Variants in FRMD4B observed in about 807,000 individuals in gnomAD.
FRMD4B encodes FERM domain containing 4B.
A neutral mutation model predicts 141.5 loss-of-function variants in FRMD4B; 74 were observed. The ratio of observed to expected loss-of-function variants is 0.52; its 90% CI spans 0.43 to 0.63. The LOEUF is 0.63. Ranked by LOEUF, FRMD4B falls within the 30% of genes least tolerant of loss-of-function variation. FRMD4B has a pLI of 0.00. For missense variants in FRMD4B, 1,366 were observed against 1,253.4 expected (o/e 1.09, Z -1.36); for synonymous variants, 506 against 467.9 (o/e 1.08, Z -1.05).
intron 1 of FRMD4B, among the ~76,000 whole-genome samples, chr3:69,496,956 T>C (rs1051178182): frequency 5.9e-5 from 9 of 151,512 alleles, no homozygotes; most frequent in Admixed American, 4.6e-4. Context: ...TGCTTCCCCA[T>C]CCATTGCTAT....
intron 5 of FRMD4B, among the ~76,000 whole-genome samples, chr3:69,274,034 A>G (rs6795954): frequency 0.21 from 32,430 of 152,040 alleles, 3,707 homozygotes; most frequent in Non-Finnish European, 0.26. Flanking sequence ...CAGCAGAAAG[A>G]CAAGTATATC....
Position 69,196,836 on chromosome 3 carries a change from C to T in FRMD4B, c.1092+64G>A, listed in dbSNP as rs1283436215. On this transcript the variant is annotated intron_variant, in intron 13 of 22. Transcript: ENST00000398540. Reference sequence around the variant, plus strand: ...TGTGCTTGCATCTTTTGTGAGAAGGCTTATCTTCTGAACAGAATGCAAAAG... The same window carrying T: ...TGTGCTTGCATCTTTTGTGAGAAGGTTTATCTTCTGAACAGAATGCAAAAG... The T allele has an allele frequency of 2.4e-6, 3 of 1,251,102 alleles. No homozygotes were observed. The East Asian group carries it at 7.2e-5, about 30-fold the overall frequency. 77.5% of individuals were successfully genotyped at this position (1,251,102 alleles called of 1,614,324 possible).
At chr3:69,172,380 T>G (rs148790958) in intron 22 of FRMD4B, among the ~76,000 whole-genome samples, 1 of 152,314 alleles carries the variant, frequency 6.6e-6, no homozygotes, top group African/African-American at 2.4e-5. Flanking sequence ...AATTTAGTAG[T>G]CTTTTCCAAC....
At chr3:69,438,668 T>C (rs868178101) in intron 1 of FRMD4B, among the ~76,000 whole-genome samples, 4 of 152,142 alleles carry the variant, frequency 2.6e-5, no homozygotes, top group Admixed American at 2.6e-4. Flanking sequence ...AAAAAAGTGG[T>C]CACACACTCT....
intron 1 of FRMD4B, among the ~76,000 whole-genome samples, chr3:69,488,891 TAAAAAAAA>T (rs35778230): frequency 1.2e-5 from 1 of 82,204 alleles, no homozygotes; most frequent in Non-Finnish European, 2.2e-5. Flanking sequence ...AGACTCCATC[TAAAAAAAA>T]AAAAAAAAAA....
chr3:69,513,144 A>G (rs1280523159), intron 1 of FRMD4B, among the ~76,000 whole-genome samples: 1 of 152,162 alleles, frequency 6.6e-6, no homozygotes, highest in Admixed American at 6.5e-5. Flanking sequence ...AAAAAAATCA[A>G]CAAATTTGAT....
intron 5 of FRMD4B, among the ~76,000 whole-genome samples, chr3:69,285,835 C>T (rs1700668537): frequency 1.3e-5 from 2 of 150,716 alleles, no homozygotes; most frequent in South Asian, 4.2e-4. Context: ...CAAAGCGAGA[C>T]TCCATCTCAA....
intron 1 of FRMD4B, among the ~76,000 whole-genome samples, chr3:69,457,857 C>T (rs1285763874): frequency 6.6e-6 from 1 of 152,180 alleles, no homozygotes; most frequent in African/African-American, 2.4e-5. Flanking sequence ...CCTCATTCTT[C>T]CACCATTTGT....
chr3:69,514,549 G>A lies in FRMD4B; in HGVS notation c.-129+27657C>T, dbSNP rs183613374. ...CTAAAAATATAAAACTTAGCCAGACGTGGTGGTGGGCACCTGTTGTCCCAG... is the reference window on the plus strand; with the variant it reads ...CTAAAAATATAAAACTTAGCCAGACATGGTGGTGGGCACCTGTTGTCCCAG... On this transcript the variant is annotated intron_variant, in intron 1 of 5. Coordinates refer to the FRMD4B transcript ENST00000459638. Among the ~76,000 whole-genome samples the A allele has an allele frequency of 2.8e-4, 42 of 152,146 alleles. No individual in the cohort carries two copies. In the East Asian group the frequency reaches 7.8e-3, roughly 28 times the overall value.
chr3:69,360,992 T>C (rs1254829997), intron 1 of FRMD4B, among the ~76,000 whole-genome samples: 1 of 152,230 alleles, frequency 6.6e-6, no homozygotes, highest in Non-Finnish European at 1.5e-5. Context: ...CCCAGTAGTA[T>C]AATTCATACA....
At position 69,399,339 on chromosome 3, in the gene FRMD4B, C is replaced by T. The variant is rs569616187; in HGVS notation, c.-1+33295G>A. Among the ~76,000 whole-genome samples the T allele has an allele frequency of 2.0e-5, 3 of 152,272 alleles. No individual in the cohort carries two copies. The East Asian group carries it at 5.8e-4, about 29-fold the overall frequency. On this transcript the variant is annotated intron_variant, in intron 2 of 5. Coordinates refer to the FRMD4B transcript ENST00000459638. ...GGGTGTCCCCAGGTGAAACCCAGCC[C>T]TTCCATTTCATTCACTCTTATGTCC...
intron 11 of FRMD4B, among the ~76,000 whole-genome samples, chr3:69,207,259 T>C (rs993168437): frequency 6.0e-5 from 9 of 149,292 alleles, no homozygotes; most frequent in Non-Finnish European, 1.3e-4. Context: ...GAACTATCAT[T>C]ATGACTCTGC....
At chr3:69,269,528 G>A (rs987494460) in intron 5 of FRMD4B, among the ~76,000 whole-genome samples, 4 of 152,162 alleles carry the variant, frequency 2.6e-5, no homozygotes, top group African/African-American at 9.7e-5. Flanking sequence ...CTTCCCCCAT[G>A]TCATGCATCA....
At chr3:69,504,453 C>G (rs1468478146) in intron 1 of FRMD4B, among the ~76,000 whole-genome samples, 1 of 152,160 alleles carries the variant, frequency 6.6e-6, no homozygotes, top group Non-Finnish European at 1.5e-5. Context: ...AAGAAACCTA[C>G]ACCGAGTGTA....
intron 2 of FRMD4B, among the ~76,000 whole-genome samples, chr3:69,428,960 G>A (rs972090529): frequency 7.2e-5 from 11 of 152,056 alleles, no homozygotes; most frequent in African/African-American, 2.4e-4. Flanking sequence ...ATCCTTTTGC[G>A]ACTGGCTTAT....
intron 5 of FRMD4B, among the ~76,000 whole-genome samples, chr3:69,252,122 C>T (rs2093466858): frequency 6.6e-6 from 1 of 152,190 alleles, no homozygotes. Context: ...GACAAGTCAC[C>T]TGAAAAATAT....
At chr3:69,504,177 T>C (rs1005306550) in intron 1 of FRMD4B, among the ~76,000 whole-genome samples, 3 of 152,358 alleles carry the variant, frequency 2.0e-5, no homozygotes, top group Admixed American at 2.0e-4. Context: ...GGTGGGTCTC[T>C]TTTTAATGGC....
intron 2 of FRMD4B, among the ~76,000 whole-genome samples, chr3:69,428,513 G>C (rs1157811584): frequency 6.6e-6 from 1 of 151,410 alleles, no homozygotes; most frequent in Non-Finnish European, 1.5e-5. Context: ...AAGGAAAATA[G>C]ATTTTTTTTC....
intron 1 of FRMD4B, among the ~76,000 whole-genome samples, chr3:69,479,388 T>G (rs1276657992): frequency 1.3e-5 from 2 of 152,122 alleles, no homozygotes; most frequent in African/African-American, 2.4e-5. Flanking sequence ...AGGAGCTCTT[T>G]TAGGGCAGGC....
Sources: gnomAD v4.1 joint callset for allele counts (sites outside exome capture counted in the v4.1 genomes callset) on GRCh38, gnomAD v4.1.1 for gene constraint, MANE v1.5 for transcripts, NCBI Gene and HGNC (gene_info 2026-07-23, HGNC 2026-07-21) for gene names.